The following FNTB variants were observed in gnomAD, a reference collection of about 807,000 sequenced individuals.
The protein encoded by FNTB is protein farnesyltransferase subunit beta.
In FNTB, 27 loss-of-function variants were observed where a neutral mutation model predicts 59.4. The ratio of observed to expected loss-of-function variants is 0.45; its 90% CI spans 0.34 to 0.63. The LOEUF is 0.63. FNTB is among the 20% of genes least tolerant of loss of function. The pLI, the probability that FNTB is intolerant of heterozygous loss-of-function variation, is 0.02. For synonymous variants in FNTB, 230 were observed against 220.7 expected, an observed-to-expected ratio of 1.04 and a Z score of -0.37; for missense variants, 449 against 559.6, an observed-to-expected ratio of 0.80 and a Z score of 1.99.
In FNTB at chr14:65,012,250, G is replaced by C. The variant is rs1352533482; in HGVS notation, c.210-67G>C. The C allele has an allele frequency of 3.2e-6, 5 of 1,579,494 alleles. No individual in the cohort carries two copies. In the East Asian group the frequency reaches 1.1e-4, roughly 35 times the overall value. On this transcript the variant is annotated intron_variant, in intron 2 of 11. Coordinates refer to ENST00000246166, the MANE Select transcript of FNTB (RefSeq NM_002028.4). This position sits in a 1 kb window ranked among gnomAD's most constrained non-coding sequence, Gnocchi z 5.0. Reference sequence around the variant, plus strand: ...AGTGTTTACCCGTGTGTGTGTACGTGCACATACGTGTGTATGGTGGAAGCA... The same window carrying C: ...AGTGTTTACCCGTGTGTGTGTACGTCCACATACGTGTGTATGGTGGAAGCA...
intron 1 of FNTB, among the ~76,000 whole-genome samples, chr14:65,002,151 C>CA (rs202247281): frequency 0.013 from 2,029 of 150,300 alleles, 22 homozygotes; most frequent in African/African-American, 0.029. Context: ...CTTGAAATCT[C>CA]AAAAAAAAAC....
intron 3 of FNTB, among the ~76,000 whole-genome samples, chr14:65,013,287 G>A (rs1014991022): frequency 1.3e-5 from 2 of 151,756 alleles, no homozygotes; most frequent in African/African-American, 4.8e-5. Flanking sequence ...CTGCCATCTG[G>A]GAATGCAGAC....
chr14:65,015,440 A>ATT, intron 3 of FNTB, 185 bp from the exon 4 acceptor site: 2 of 241,710 alleles, frequency 8.3e-6, no homozygotes, highest in Admixed American at 6.6e-5. Flanking sequence ...TTTTTAACAG[A>ATT]TGGTCATTTC....
chr14:65,051,407 T>TA (rs920219667), intron 9 of FNTB, among the ~76,000 whole-genome samples: 4 of 152,192 alleles, frequency 2.6e-5, no homozygotes, highest in Admixed American at 1.3e-4. Context: ...GGTCAGGAGT[T>TA]AGAGAGCAGC....
At chr14:65,026,077 T>C (rs1403140626) in intron 4 of FNTB, among the ~76,000 whole-genome samples, 1 of 152,192 alleles carries the variant, frequency 6.6e-6, no homozygotes, top group Non-Finnish European at 1.5e-5. Flanking sequence ...GTAGGCTATG[T>C]AGTCTTTCTG....
chr14:65,060,360 G>C lies in FNTB; in HGVS notation c.1183-821G>C, dbSNP rs1022982491. Among the ~76,000 whole-genome samples, 18 of 149,392 alleles carry C rather than the reference G, an allele frequency of 1.2e-4. No homozygotes were observed. In the East Asian group the frequency reaches 1.9e-3, roughly 15 times the overall value. ...CCCCAGCACTTTGGGAGGCCGAGGCGGGTGGATCACCTGAGGTCAGGAGTT... is the reference window on the plus strand; with the variant it reads ...CCCCAGCACTTTGGGAGGCCGAGGCCGGTGGATCACCTGAGGTCAGGAGTT... On this transcript the variant is annotated intron_variant, in intron 11 of 11. Transcript: ENST00000246166.
Position 65,044,624 on chromosome 14 carries a change from A to G in FNTB, c.955+181A>G. ...CGAATGCAGAGTAAGATTTAGTTTC[A>G]TTGGTTTAGTGTCATTCTTTGCTTC... On this transcript the variant is annotated intron_variant, in intron 9 of 11. Transcript: ENST00000246166. The surrounding 1 kb of genome is among the most constrained non-coding windows in gnomAD (Gnocchi z 5.5). The G allele has an allele frequency of 1.1e-6, 1 of 919,558 alleles. No individual in the cohort carries two copies. Among genetic ancestry groups the G allele is most frequent in the Non-Finnish European group, 1.5e-6 (1 of 654,390 alleles). The allele number at this position is 919,558 out of a possible 1,614,324, so 57.0% of individuals were successfully genotyped here. A position where few individuals can be genotyped will look rare whatever the true frequency, so the allele number is the denominator to read the frequency against.
rs911847042 is a variant in FNTB, at chr14:65,001,731, G to A, written c.145-2518G>A. Among the ~76,000 whole-genome samples the A allele has an allele frequency of 5.3e-5, 8 of 152,222 alleles. No homozygotes were observed. The highest frequency in any genetic ancestry group is 2.1e-4 in the South Asian group (1 of 4,824). On this transcript the variant is annotated intron_variant, in intron 1 of 11. Coordinates refer to ENST00000246166, the MANE Select transcript of FNTB (RefSeq NM_002028.4). This position sits in a 1 kb window ranked among gnomAD's most constrained non-coding sequence, Gnocchi z 5.5. ...CTTATATATTTTTCTATCCCATTCA[G>A]CTTATACGCATGACTGAGAAATGCA...
chr14:65,003,229 T>A (rs1283189209), intron 1 of FNTB: 7 of 152,218 alleles, frequency 4.6e-5, no homozygotes, highest in Admixed American at 4.6e-4. Context: ...CAGAATTTGC[T>A]ATTTGTTTTG....
intron 9 of FNTB, among the ~76,000 whole-genome samples, chr14:65,050,480 AC>A (rs1251420821): frequency 2.0e-5 from 3 of 152,134 alleles, no homozygotes; most frequent in Non-Finnish European, 4.4e-5. Context: ...AATCCAAGGT[AC>A]TCAGGAGGCT....
chr14:65,003,170 G>C, intron 1 of FNTB, among the ~76,000 whole-genome samples: 1 of 152,176 alleles, frequency 6.6e-6, no homozygotes, highest in East Asian at 1.9e-4. Flanking sequence ...CTGACTTTCT[G>C]AGATCCTTCA....
chr14:65,013,688 C>T (rs2061720989), intron 3 of FNTB, among the ~76,000 whole-genome samples: 2 of 152,162 alleles, frequency 1.3e-5, no homozygotes, highest in Admixed American at 6.5e-5. Context: ...GCCAGGATTA[C>T]AGGTGTGCAC....
intron 4 of FNTB, among the ~76,000 whole-genome samples, chr14:65,019,498 C>T (rs530273479): frequency 9.0e-6 from 1 of 110,788 alleles, no homozygotes; most frequent in East Asian, 2.8e-4. Flanking sequence ...AAAAAACAAA[C>T]AAACAAAACA....
In FNTB at chr14:65,032,818, T is replaced by C. The variant is rs1466605681; in HGVS notation, c.692+122T>C. Reference sequence around the variant, plus strand: ...AATACAAAAATCACAGGAGATCCATTAGGGTTATCTAATGATTTTTTTAAA... The same window carrying C: ...AATACAAAAATCACAGGAGATCCATCAGGGTTATCTAATGATTTTTTTAAA... On this transcript the variant is annotated intron_variant, in intron 7 of 11. Coordinates refer to ENST00000246166, the MANE Select transcript of FNTB (RefSeq NM_002028.4). The surrounding 1 kb of genome is among the most constrained non-coding windows in gnomAD (Gnocchi z 5.0). 1.3e-6 allele frequency: 1 copy of C among 787,104 alleles called. No individual in the cohort carries two copies. 48.8% of individuals were successfully genotyped at this position (787,104 alleles called of 1,614,324 possible). A position where few individuals can be genotyped will look rare whatever the true frequency, so the allele number is the denominator to read the frequency against.
rs562431681 is a variant in FNTB, at chr14:65,023,432, A to G, written c.375-4021A>G. Among the ~76,000 whole-genome samples the G allele has an allele frequency of 6.6e-6, 1 of 152,310 alleles. No homozygotes were observed. The highest frequency in any genetic ancestry group is 2.4e-5 in the African/African-American group (1 of 41,572). ...AAACTCCTTATAAGGCTGAGAGGCA[A>G]TCGCTGATATCCCTGCTTTGAACTT... On this transcript the variant is annotated intron_variant, in intron 4 of 11. Transcript: ENST00000246166. This position sits in a 1 kb window ranked among gnomAD's most constrained non-coding sequence, Gnocchi z 4.1.
In FNTB at chr14:65,012,276, T is replaced by A; in HGVS notation, c.210-41T>A. On this transcript the variant is annotated intron_variant, in intron 2 of 11. Transcript: ENST00000246166. The surrounding 1 kb of genome is among the most constrained non-coding windows in gnomAD (Gnocchi z 5.0). ...CACATACGTGTGTATGGTGGAAGCA[T>A]AAGCTATTAGAATGGGCTTATAAAC... 6.2e-7 allele frequency: 1 copy of A among 1,613,174 alleles called. No individual in the cohort carries two copies. The highest frequency in any genetic ancestry group is 8.5e-7 in the Non-Finnish European group (1 of 1,179,270).
chr14:64,987,286 C>T, intron 1 of FNTB, 189 bp downstream of exon 1: 1 of 649,644 alleles, frequency 1.5e-6, no homozygotes, highest in Non-Finnish European at 2.6e-6. Context: ...GCGCGGCCAG[C>T]TTGGGGAAGG....
chr14:65,027,208 TC>T lies in FNTB; in HGVS notation c.375-242del, dbSNP rs2061999360. ...AGTCGGTTTCTTCCCAGCCTTGTGT[TC>T]CCTGCTTCATGACCAACAAGCGCTT... On this transcript the variant is annotated intron_variant, in intron 4 of 11. Coordinates refer to ENST00000246166, the MANE Select transcript of FNTB (RefSeq NM_002028.4). The surrounding 1 kb of genome is among the most constrained non-coding windows in gnomAD (Gnocchi z 5.7). Among the ~76,000 whole-genome samples the T allele has an allele frequency of 6.6e-6, 1 of 152,180 alleles. No homozygotes were observed. The highest frequency in any genetic ancestry group is 1.5e-5 in the Non-Finnish European group (1 of 68,030).
At chr14:65,016,808 G>A (rs556133087) in intron 4 of FNTB, among the ~76,000 whole-genome samples, 1 of 152,076 alleles carries the variant, frequency 6.6e-6, no homozygotes, top group South Asian at 2.1e-4. Context: ...CAAGTGCATT[G>A]TTTTGATCAT....
Sources: allele counts gnomAD v4.1 joint callset (sites outside exome capture counted in the v4.1 genomes callset), GRCh38; gene constraint gnomAD v4.1.1; non-coding constraint Gnocchi (gnomAD v3.1); transcripts MANE v1.5; gene names NCBI Gene and HGNC (gene_info 2026-07-23, HGNC 2026-07-21).